CCNH: variants seen among roughly 807,000 people sequenced by gnomAD.
CCNH encodes cyclin-H.
In CCNH, 31 loss-of-function variants were observed where a neutral mutation model predicts 41.9. The ratio of observed to expected loss-of-function variants is 0.74; its 90% confidence interval spans 0.56 to 1.00. The LOEUF is 1.00. Ranked by LOEUF, CCNH falls within the 50% of genes least tolerant of loss-of-function variation. The pLI, the probability that CCNH is intolerant of heterozygous loss-of-function variation, is 0.00. For synonymous variants in CCNH, 138 were observed against 136.1 expected (o/e 1.01, Z -0.10); for missense variants, 362 against 388.4 (o/e 0.93, Z 0.57).
intron 4 of CCNH, among the ~76,000 whole-genome samples, chr5:87,405,488 T>C (rs1329439877): frequency 1.3e-5 from 2 of 152,192 alleles, no homozygotes; most frequent in Non-Finnish European, 2.9e-5. Flanking sequence ...TTCCTGACAG[T>C]TCTTCATACC....
intron 9 of CCNH, among the ~76,000 whole-genome samples, chr5:87,319,363 G>T (rs948969148): frequency 6.6e-6 from 1 of 152,228 alleles, no homozygotes; most frequent in Non-Finnish European, 1.5e-5. Flanking sequence ...CTAGTAGAGG[G>T]TCTCCATGAG....
intron 9 of CCNH, among the ~76,000 whole-genome samples, chr5:87,336,849 A>T (rs975262810): frequency 5.3e-5 from 8 of 152,094 alleles, no homozygotes; most frequent in Admixed American, 4.6e-4. Context: ...GCCATCATTA[A>T]GAAGGATTGT....
chr5:87,408,886 A>T (rs1272448550), intron 3 of CCNH, among the ~76,000 whole-genome samples: 1 of 152,212 alleles, frequency 6.6e-6, no homozygotes, highest in East Asian at 1.9e-4. Context: ...AGCAGAGAGC[A>T]GCAACAACAG....
chr5:87,314,375 A>C (rs1429317884), downstream of CCNH, among the ~76,000 whole-genome samples: 2 of 152,158 alleles, frequency 1.3e-5, no homozygotes, highest in Admixed American at 1.3e-4. Flanking sequence ...TGGAGATAAT[A>C]TTATAGATGT....
At chr5:87,362,748 T>C (rs112674424) in intron 9 of CCNH, 1 of 1,494,984 alleles carries the variant, frequency 6.7e-7, no homozygotes, top group Non-Finnish European at 9.3e-7. Flanking sequence ...TTGTGATATA[T>C]ATTTAATAAG....
chr5:87,351,271 TTC>T (rs1372025893), intron 9 of CCNH, among the ~76,000 whole-genome samples: 1 of 151,690 alleles, frequency 6.6e-6, no homozygotes, highest in Non-Finnish European at 1.5e-5. Context: ...ACTGTACAAA[TTC>T]TGTGTAAATA....
At chr5:87,381,432 AATAAT>A (rs1233742188), upstream of CCNH, among the ~76,000 whole-genome samples, 7 of 152,210 alleles carry the variant, frequency 4.6e-5, no homozygotes, top group Non-Finnish European at 8.8e-5. Flanking sequence ...GCAGTTTTCT[AATAAT>A]ATAATTTGTT....
downstream of CCNH, among the ~76,000 whole-genome samples, chr5:87,386,555 A>G (rs1328642679): frequency 6.6e-6 from 1 of 152,042 alleles, no homozygotes; most frequent in Admixed American, 6.6e-5. Context: ...TTCTTTCATT[A>G]AAAATACCCA....
intron 1 of CCNH, 141 bp from the exon 2 acceptor site, chr5:87,411,487 G>A (rs1012205621): frequency 1.5e-6 from 1 of 670,860 alleles, no homozygotes; most frequent in African/African-American, 1.9e-5. Flanking sequence ...TTATAGATTC[G>A]CTAATCATTA....
intron 9 of CCNH, among the ~76,000 whole-genome samples, chr5:87,320,812 G>A (rs996206002): frequency 2.0e-5 from 3 of 152,236 alleles, no homozygotes; most frequent in Non-Finnish European, 4.4e-5. Context: ...ACTCAACATA[G>A]TGTTTTGACA....
intron 7 of CCNH, among the ~76,000 whole-genome samples, chr5:87,397,428 G>T (rs1763056959): frequency 6.6e-6 from 1 of 152,152 alleles, no homozygotes; most frequent in African/African-American, 2.4e-5. Flanking sequence ...CCAAACTGCT[G>T]AGATTACAGG....
chr5:87,373,311 G>A (rs530496011), downstream of CCNH, among the ~76,000 whole-genome samples: 1 of 152,016 alleles, frequency 6.6e-6, no homozygotes, highest in Non-Finnish European at 1.5e-5. Context: ...ATTGTATTAG[G>A]TATTACAAGT....
chr5:87,331,589 C>A, intron 9 of CCNH: 1 of 1,393,688 alleles, frequency 7.2e-7, no homozygotes, highest in Admixed American at 1.7e-5. Context: ...AGGTGAATGA[C>A]TCAGTAACAA....
Position 87,395,110 on chromosome 5 carries a change from A to C in CCNH, c.873-6T>G. ...CATAGCCTTTCCTCTTCTTCCTATA[A>C]TTAAGCAACTATCAATAAGCAATCC... is the stretch of plus-strand genomic sequence containing the variant. On this transcript the variant is annotated splice_polypyrimidine_tract_variant and splice_region_variant and intron_variant, in intron 7 of 8. Transcript: ENST00000256897. The C allele has an allele frequency of 6.2e-7, 1 of 1,607,656 alleles. No homozygotes were observed. The highest frequency in any genetic ancestry group is 8.5e-7 in the Non-Finnish European group (1 of 1,176,738).
intron 9 of CCNH, among the ~76,000 whole-genome samples, chr5:87,340,303 C>G (rs932676268): frequency 6.6e-6 from 1 of 152,066 alleles, no homozygotes; most frequent in African/African-American, 2.4e-5. Flanking sequence ...TCCATAGCAC[C>G]TTGCTAATTC....
rs746576692 is a variant in CCNH at position 87,401,690 on chromosome 5, T to C, written c.760+12A>G. Reference sequence around the variant, plus strand: ...GGAAGAAACATTTTGTAAAGTGTTCTCTTTTACTTACTTTTCATTATATCT... The same window carrying C: ...GGAAGAAACATTTTGTAAAGTGTTCCCTTTTACTTACTTTTCATTATATCT... On this transcript the variant is annotated intron_variant, in intron 6 of 8. Transcript: ENST00000256897. The C allele has an allele frequency of 4.6e-6, 7 of 1,523,846 alleles. No homozygotes were observed. Among genetic ancestry groups the C allele is most frequent in the South Asian group, 2.4e-5 (2 of 83,970 alleles). The allele number at this position is 1,523,846 out of a possible 1,614,324, so 94.4% of individuals were successfully genotyped here.
At chr5:87,382,433 G>C (rs1761785882) in intron 9 of CCNH, among the ~76,000 whole-genome samples, 1 of 152,078 alleles carries the variant, frequency 6.6e-6, no homozygotes, top group Non-Finnish European at 1.5e-5. Context: ...TCATTATTTT[G>C]GGAATAATGC....
chr5:87,397,141 A>G (rs1004978627), intron 7 of CCNH, among the ~76,000 whole-genome samples: 1 of 152,030 alleles, frequency 6.6e-6, no homozygotes, highest in Non-Finnish European at 1.5e-5. Flanking sequence ...AGTTAAGTAC[A>G]GGAATTGTGT....
chr5:87,411,147 T>C, intron 2 of CCNH, 77 bp downstream of exon 2: 2 of 1,425,060 alleles, frequency 1.4e-6, no homozygotes, highest in South Asian at 3.1e-5. Flanking sequence ...AAGACTTGAG[T>C]GGACAGGGAA....
Sources: allele counts gnomAD v4.1 joint callset (sites outside exome capture counted in the v4.1 genomes callset), GRCh38; gene constraint gnomAD v4.1.1; transcripts MANE v1.5; gene names NCBI Gene and HGNC (gene_info 2026-07-23, HGNC 2026-07-21).